KCNIP4: variants seen among roughly 807,000 people sequenced by gnomAD.
KCNIP4 encodes the protein potassium voltage-gated channel interacting protein 4, also known as Kv channel-interacting protein 4.
Under a neutral mutation model 34.0 loss-of-function variants are expected in KCNIP4, and 12 were observed. The ratio of observed to expected loss-of-function variants is 0.35; its 90% CI spans 0.23 to 0.57. KCNIP4 has a LOEUF of 0.57. KCNIP4 is among the 20% of genes least tolerant of loss of function. The pLI is 0.83. For missense variants in KCNIP4, 238 were observed against 311.7 expected (o/e 0.76, Z 1.78); for synonymous variants, 124 against 102.2 (o/e 1.21, Z -1.29).
intron 1 of KCNIP4, among the ~76,000 whole-genome samples, chr4:21,090,653 T>G (rs1479989000): frequency 1.3e-5 from 2 of 152,244 alleles, no homozygotes; most frequent in Admixed American, 1.3e-4. Flanking sequence ...CACAGATTGT[T>G]TCATAAACAT....
intron 1 of KCNIP4, among the ~76,000 whole-genome samples, chr4:21,479,389 G>A (rs2109828889): frequency 6.6e-6 from 1 of 152,280 alleles, no homozygotes; most frequent in Non-Finnish European, 1.5e-5. Flanking sequence ...AATAAGTGAT[G>A]TAGTTTTTAT....
At chr4:21,597,308 C>T (rs936536918) in intron 1 of KCNIP4, among the ~76,000 whole-genome samples, 3 of 152,086 alleles carry the variant, frequency 2.0e-5, no homozygotes, top group Non-Finnish European at 2.9e-5. Context: ...CGATGTAAGA[C>T]GTGCTTTTCA....
Position 21,463,678 on chromosome 4 carries a change from G to T in KCNIP4, c.61+484893C>A, listed in dbSNP as rs369207702. ...TACTGCTCTCTAGTTTTCTTTTCTT[G>T]TGCTGTTTTTACCTGGTTTTGGCAT... On this transcript the variant is annotated intron_variant, in intron 1 of 8. Coordinates refer to ENST00000382152, the MANE Select transcript of KCNIP4 (RefSeq NM_025221.6). Among the ~76,000 whole-genome samples the T allele has an allele frequency of 2.5e-4, 38 of 151,942 alleles. 1 individual carries two copies. In the East Asian group the frequency reaches 4.3e-3, roughly 17 times the overall value.
At chr4:20,838,842 A>C (rs1719370098) in intron 3 of KCNIP4, among the ~76,000 whole-genome samples, 1 of 152,184 alleles carries the variant, frequency 6.6e-6, no homozygotes, top group Admixed American at 6.5e-5. Context: ...CAATACAGAA[A>C]ATCTTGAAGT....
rs562218642 is a variant in KCNIP4 at position 21,482,379 on chromosome 4, G to A, written c.61+466192C>T. Among the ~76,000 whole-genome samples the A allele has an allele frequency of 8.5e-5, 13 of 152,228 alleles. No individual in the cohort carries two copies. In the East Asian group the frequency reaches 1.2e-3, roughly 14 times the overall value. Reference sequence around the variant, plus strand: ...ATGATATTAGCAGGTTATTTTGCTCGTTAGTTGATGCAGTTTCTTCCTAGC... The same window carrying A: ...ATGATATTAGCAGGTTATTTTGCTCATTAGTTGATGCAGTTTCTTCCTAGC... On this transcript the variant is annotated intron_variant, in intron 1 of 8. Transcript: ENST00000382152.
chr4:21,911,804 T>C (rs1372969001), intron 1 of KCNIP4, among the ~76,000 whole-genome samples: 7 of 152,062 alleles, frequency 4.6e-5, no homozygotes, highest in Non-Finnish European at 7.4e-5. Flanking sequence ...CCCTCCAGTC[T>C]TCATCAGTAC....
chr4:21,654,521 C>A (rs993601123), intron 1 of KCNIP4, among the ~76,000 whole-genome samples: 1 of 150,840 alleles, frequency 6.6e-6, no homozygotes. Context: ...TCTAAAGATA[C>A]CTAAAGTTGT....
intron 1 of KCNIP4, among the ~76,000 whole-genome samples, chr4:21,408,915 GTTTC>G (rs1724235610): frequency 6.6e-6 from 1 of 152,024 alleles, no homozygotes; most frequent in Non-Finnish European, 1.5e-5. Flanking sequence ...TCCCAAATCT[GTTTC>G]TTTCTTCTAT....
intron 1 of KCNIP4, among the ~76,000 whole-genome samples, chr4:21,272,977 C>G (rs958621959): frequency 6.6e-6 from 1 of 152,104 alleles, no homozygotes; most frequent in African/African-American, 2.4e-5. Flanking sequence ...TGGCAATAGA[C>G]TTACTCATAA....
At chr4:21,855,902 T>G (rs1724721478) in intron 1 of KCNIP4, among the ~76,000 whole-genome samples, 1 of 152,200 alleles carries the variant, frequency 6.6e-6, no homozygotes, top group Non-Finnish European at 1.5e-5. Flanking sequence ...AATGAAACCT[T>G]TTAGCCCACA....
intron 1 of KCNIP4, among the ~76,000 whole-genome samples, chr4:21,142,141 A>T (rs1752008312): frequency 8.1e-6 from 1 of 124,158 alleles, no homozygotes; most frequent in African/African-American, 3.3e-5. Context: ...ACAGTGCGAG[A>T]CACCGTCTCA....
At chr4:20,842,581 CAAAAAAAAAAA>C (rs59134256) in intron 3 of KCNIP4, among the ~76,000 whole-genome samples, 34 of 69,688 alleles carry the variant, frequency 4.9e-4, no homozygotes, top group Admixed American at 6.1e-4. Context: ...CTTCTAATGG[CAAAAAAAAAAA>C]AAAAAAAAAA....
intron 1 of KCNIP4, among the ~76,000 whole-genome samples, chr4:21,922,113 C>T (rs1322774987): frequency 6.6e-6 from 1 of 152,162 alleles, no homozygotes; most frequent in Non-Finnish European, 1.5e-5. Context: ...GCAGTGTCTT[C>T]TCTCGGGAAA....
At chr4:20,943,927 G>T (rs1374579683) in intron 1 of KCNIP4, among the ~76,000 whole-genome samples, 1 of 152,180 alleles carries the variant, frequency 6.6e-6, no homozygotes, top group East Asian at 1.9e-4. Context: ...GACTATGAAT[G>T]TCAGAGAGAA....
At chr4:20,836,037 T>C (rs1477467999) in intron 3 of KCNIP4, among the ~76,000 whole-genome samples, 2 of 152,230 alleles carry the variant, frequency 1.3e-5, no homozygotes, top group Non-Finnish European at 2.9e-5. Context: ...ATTCTTTATT[T>C]TTCCTCCATG....
intron 1 of KCNIP4, among the ~76,000 whole-genome samples, chr4:20,935,431 C>G (rs1322455850): frequency 6.6e-6 from 1 of 152,192 alleles, no homozygotes; most frequent in African/African-American, 2.4e-5. Context: ...GATACTCAAA[C>G]TGTCTCCATT....
chr4:21,892,631 G>T (rs1727173461), intron 1 of KCNIP4, among the ~76,000 whole-genome samples: 1 of 150,380 alleles, frequency 6.6e-6, no homozygotes, highest in Admixed American at 6.6e-5. Context: ...TACAATCTTA[G>T]GTGATCACTT....
intron 2 of KCNIP4, among the ~76,000 whole-genome samples, chr4:20,858,380 C>T (rs1191400598): frequency 1.3e-5 from 2 of 152,064 alleles, no homozygotes; most frequent in Non-Finnish European, 2.9e-5. Flanking sequence ...GTTGCTTAAG[C>T]CACCCAGTCT....
intron 1 of KCNIP4, among the ~76,000 whole-genome samples, chr4:21,493,190 G>A (rs1005679102): frequency 2.0e-5 from 3 of 151,112 alleles, no homozygotes; most frequent in Non-Finnish European, 3.0e-5. Context: ...GTACATTTCC[G>A]GGCTGACCTC....
Sources: gnomAD v4.1 joint callset for allele counts (sites outside exome capture counted in the v4.1 genomes callset) on GRCh38, gnomAD v4.1.1 for gene constraint, MANE v1.5 for transcripts, NCBI Gene and HGNC (gene_info 2026-07-23, HGNC 2026-07-21) for gene names.